Variants in PRKCE observed in about 807,000 individuals in gnomAD.
PRKCE encodes protein kinase C epsilon, also known as protein kinase C epsilon type.
A neutral mutation model predicts 85.4 loss-of-function variants in PRKCE; 16 were observed. That is an observed-to-expected ratio of 0.19 (90% CI 0.13 to 0.28). PRKCE has a LOEUF of 0.28. PRKCE is among the 10% of genes least tolerant of loss of function. The probability of loss-of-function intolerance (pLI) is 1.00; values close to 1 mark genes in which losing one functional copy is unlikely to be tolerated. For missense variants in PRKCE, 573 were observed against 975.2 expected (o/e 0.59, Z 5.49); for synonymous variants, 388 against 371.5 (o/e 1.04, Z -0.51).
At chr2:45,971,058 T>G (rs1702077333) in intron 2 of PRKCE, among the ~76,000 whole-genome samples, 1 of 152,150 alleles carries the variant, frequency 6.6e-6, no homozygotes, top group East Asian at 1.9e-4. Context: ...TTCAGCAAAT[T>G]AAGTATACAA....
chr2:45,694,650 G>A (rs1450352601), intron 1 of PRKCE, among the ~76,000 whole-genome samples: 1 of 152,218 alleles, frequency 6.6e-6, no homozygotes, highest in Non-Finnish European at 1.5e-5. Flanking sequence ...GGCTGAGAAA[G>A]GTTCAGGGAG....
intron 11 of PRKCE, among the ~76,000 whole-genome samples, chr2:46,103,968 G>T (rs1005368411): frequency 6.6e-6 from 1 of 152,122 alleles, no homozygotes. Flanking sequence ...ATTTCTGTCT[G>T]CCTCTTTTGC....
rs1225610929 is a variant in PRKCE, at chr2:45,697,101, T to C, written c.348+44653T>C. Among the ~76,000 whole-genome samples, 1 of 152,222 alleles carries C rather than the reference T, an allele frequency of 6.6e-6. No individual in the cohort carries two copies. Among genetic ancestry groups the C allele is most frequent in the Admixed American group, 6.5e-5 (1 of 15,288 alleles). The stretch of plus-strand genomic sequence containing the variant: ...GGTAATATTAAAGATTATCCCCTGA[T>C]TGGAAAAGGTGGATGTTGTTCTAAT... On this transcript the variant is annotated intron_variant, in intron 1 of 14. Transcript: ENST00000306156. This position sits in a 1 kb window ranked among gnomAD's most constrained non-coding sequence, Gnocchi z 4.2.
chr2:45,983,399 A>T (rs1044930929), intron 5 of PRKCE, among the ~76,000 whole-genome samples: 2 of 152,024 alleles, frequency 1.3e-5, no homozygotes, highest in African/African-American at 4.8e-5. Context: ...CAGCCCATGG[A>T]TGTCCTGGGT....
At chr2:46,151,280 T>TCCAC in intron 13 of PRKCE, 51 bp downstream of exon 13, 2 of 557,926 alleles carry the variant, frequency 3.6e-6, no homozygotes, top group Middle Eastern at 5.1e-4. Context: ...CTCCTCCCCC[T>TCCAC]ACACACACAC....
intron 2 of PRKCE, among the ~76,000 whole-genome samples, chr2:45,903,728 A>G (rs190792054): frequency 1.7e-3 from 259 of 152,316 alleles, no homozygotes; most frequent in African/African-American, 5.9e-3. Context: ...GTACAAGGCA[A>G]GGCAGTGAGG....
chr2:45,813,274 G>A (rs943358807), intron 1 of PRKCE, among the ~76,000 whole-genome samples: 1 of 152,168 alleles, frequency 6.6e-6, no homozygotes, highest in Non-Finnish European at 1.5e-5. Context: ...CATTCTGCGG[G>A]GACCTTGTTG....
chr2:45,707,563 T>TCTTG (rs1204374905), intron 1 of PRKCE, among the ~76,000 whole-genome samples: 11 of 152,232 alleles, frequency 7.2e-5, no homozygotes, highest in Non-Finnish European at 1.3e-4. Context: ...TGTGACTTGC[T>TCTTG]CTTGCCCCTG....
intron 2 of PRKCE, among the ~76,000 whole-genome samples, chr2:45,926,480 A>G (rs1698628164): frequency 6.6e-6 from 1 of 152,168 alleles, no homozygotes; most frequent in Non-Finnish European, 1.5e-5. Flanking sequence ...TAGTGGTGAT[A>G]AAGAGGAGGG....
intron 2 of PRKCE, among the ~76,000 whole-genome samples, chr2:45,903,895 G>A (rs4953289): frequency 1.2e-5 from 1 of 83,614 alleles, no homozygotes; most frequent in Non-Finnish European, 2.9e-5. Context: ...TTTTTTGTTT[G>A]TTTGTTTGTT....
chr2:46,154,475 G>A (rs1441129262), intron 13 of PRKCE, among the ~76,000 whole-genome samples: 22 of 43,962 alleles, frequency 5.0e-4, no homozygotes, highest in Admixed American at 3.2e-3. Flanking sequence ...CAACCCCCCC[G>A]CCCGCCGCCG....
intron 2 of PRKCE, among the ~76,000 whole-genome samples, chr2:45,974,823 C>A (rs1349038242): frequency 1.3e-5 from 2 of 152,152 alleles, no homozygotes; most frequent in Non-Finnish European, 2.9e-5. Flanking sequence ...TATTTGGGGG[C>A]ACAGAGCCTT....
chr2:45,742,040 C>T (rs1241126238), intron 1 of PRKCE, among the ~76,000 whole-genome samples: 4 of 152,040 alleles, frequency 2.6e-5, no homozygotes, highest in African/African-American at 7.3e-5. Context: ...CTCTCCATCT[C>T]ATTCTTGGGA....
intron 1 of PRKCE, among the ~76,000 whole-genome samples, chr2:45,654,963 G>A (rs1675310170): frequency 6.6e-6 from 1 of 152,166 alleles, no homozygotes; most frequent in African/African-American, 2.4e-5. Flanking sequence ...CTCCTTACCT[G>A]GCAGGAATGA....
rs565417117 is a variant in PRKCE at position 46,097,712 on chromosome 2, C to G, written c.1592+11350C>G. Among the ~76,000 whole-genome samples the G allele has an allele frequency of 8.1e-4, 124 of 152,280 alleles. 1 individual carries two copies. The highest frequency in any genetic ancestry group is 2.9e-3 in the African/African-American group (120 of 41,554). On this transcript the variant is annotated intron_variant, in intron 11 of 14. Transcript: ENST00000306156. ...AAGTCATTCTGTCCCTCTCCCATGT[C>G]ATATAGATGAAGAGCTTGTCCCCTA...
rs545007275 is a variant in PRKCE at position 46,182,625 on chromosome 2, G to A, written c.2068-2110G>A. Among the ~76,000 whole-genome samples the A allele has an allele frequency of 1.5e-4, 23 of 152,274 alleles. No individual in the cohort carries two copies. The South Asian group carries it at 4.8e-3, about 32-fold the overall frequency. On this transcript the variant is annotated intron_variant, in intron 14 of 14. Coordinates refer to ENST00000306156, the MANE Select transcript of PRKCE (RefSeq NM_005400.3). ...CTATGCAGCTCAAGCCCAGAGAGAAGACACCAGGCAGGACTGGTGGTGCTA... is the reference window on the plus strand; with the variant it reads ...CTATGCAGCTCAAGCCCAGAGAGAAAACACCAGGCAGGACTGGTGGTGCTA...
At chr2:46,025,076 TA>T (rs35015342) in intron 10 of PRKCE, among the ~76,000 whole-genome samples, 10,014 of 151,378 alleles carry the variant, frequency 0.066, 463 homozygotes, top group Middle Eastern at 0.1. Context: ...AATTTGACTG[TA>T]AAAAAAAACA....
chr2:46,119,151 T>A (rs1673068149), intron 11 of PRKCE, among the ~76,000 whole-genome samples: 1 of 152,110 alleles, frequency 6.6e-6, no homozygotes, highest in Admixed American at 6.5e-5. Context: ...TCTCTAGTCT[T>A]GACCTAACTG....
intron 10 of PRKCE, among the ~76,000 whole-genome samples, chr2:46,016,174 A>G (rs3738898): frequency 0.67 from 102,523 of 151,908 alleles, 36,817 homozygotes; most frequent in African/African-American, 0.92. Flanking sequence ...CATTTATTCT[A>G]ATCAGCCAAT....
Sources: allele counts gnomAD v4.1 joint callset (sites outside exome capture counted in the v4.1 genomes callset), GRCh38; gene constraint gnomAD v4.1.1; non-coding constraint Gnocchi (gnomAD v3.1); transcripts MANE v1.5; gene names NCBI Gene and HGNC (gene_info 2026-07-23, HGNC 2026-07-21).